INVS: variants seen among roughly 807,000 people sequenced by gnomAD.
INVS encodes the protein inversin, also known as inversion of embryo turning homolog.
Under a neutral mutation model 108.8 loss-of-function variants are expected in INVS, and 86 were observed. That is an observed-to-expected ratio of 0.79 (90% confidence interval 0.66 to 0.95). INVS has a LOEUF of 0.95. INVS is among the 40% of genes least tolerant of loss of function. The pLI is 0.00. For missense variants in INVS, 1,169 were observed against 1,297.4 expected (o/e 0.90, Z 1.52); for synonymous variants, 455 against 473.5 (o/e 0.96, Z 0.51).
intron 14 of INVS, among the ~76,000 whole-genome samples, chr9:100,293,940 A>C (rs1365420130): frequency 6.6e-6 from 1 of 152,112 alleles, no homozygotes; most frequent in Non-Finnish European, 1.5e-5. Context: ...AGGAGGGAGG[A>C]TCACTTGAAC....
intron 3 of INVS, among the ~76,000 whole-genome samples, chr9:100,134,180 A>C (rs1185274550): frequency 1.3e-5 from 2 of 152,098 alleles, no homozygotes; most frequent in Non-Finnish European, 2.9e-5. Context: ...TATCAGTGAG[A>C]ACATATGATG....
At chr9:100,270,748 C>CAAA (rs746291227) in intron 11 of INVS, among the ~76,000 whole-genome samples, 637 of 47,076 alleles carry the variant, frequency 0.014, 17 homozygotes, top group African/African-American at 0.047. Context: ...AACTCCATCT[C>CAAA]AAAAAAAAAA....
chr9:100,163,003 A>G (rs73656951), intron 3 of INVS, among the ~76,000 whole-genome samples: 2,071 of 152,196 alleles, frequency 0.014, 35 homozygotes, highest in African/African-American at 0.048. Context: ...TCTGTTGGAC[A>G]CTTACAGAGC....
intron 5 of INVS, among the ~76,000 whole-genome samples, chr9:100,233,591 T>A (rs970453419): frequency 6.6e-6 from 1 of 152,198 alleles, no homozygotes; most frequent in Non-Finnish European, 1.5e-5. Context: ...CGGTGTTGAA[T>A]GTTATCAAAG....
intron 2 of INVS, among the ~76,000 whole-genome samples, chr9:100,123,395 A>G (rs1827785533): frequency 6.6e-6 from 1 of 152,176 alleles, no homozygotes; most frequent in Non-Finnish European, 1.5e-5. Flanking sequence ...GCTTAGCATA[A>G]TGTTTTCAAG....
At chr9:100,288,781 T>G (rs1338164493) in intron 13 of INVS, among the ~76,000 whole-genome samples, 1 of 152,076 alleles carries the variant, frequency 6.6e-6, no homozygotes, top group Non-Finnish European at 1.5e-5. Flanking sequence ...CTACCATGCC[T>G]GGCTAATTTT....
chr9:100,144,430 CT>C (rs1368177458), intron 3 of INVS, among the ~76,000 whole-genome samples: 1 of 152,018 alleles, frequency 6.6e-6, no homozygotes, highest in East Asian at 1.9e-4. Context: ...GCCTTTTGAC[CT>C]TTTAGGGTCT....
At chr9:100,285,472 C>A (rs1238486831) in intron 13 of INVS, among the ~76,000 whole-genome samples, 1 of 152,200 alleles carries the variant, frequency 6.6e-6, no homozygotes, top group Non-Finnish European at 1.5e-5. Context: ...TGATCCCCAT[C>A]CCCAAGACTA....
intron 3 of INVS, among the ~76,000 whole-genome samples, chr9:100,185,257 G>A (rs1377644883): frequency 6.6e-6 from 1 of 151,586 alleles, no homozygotes. Context: ...ATACAAGAAT[G>A]TACAGAAAAA....
intron 2 of INVS, chr9:100,117,510 G>T: frequency 1.2e-6 from 1 of 856,754 alleles, no homozygotes; most frequent in Admixed American, 1.8e-5. Flanking sequence ...CCCGGGCCCC[G>T]TCCACGGCCG....
At chr9:100,218,307 T>C (rs2118352781) in intron 3 of INVS, among the ~76,000 whole-genome samples, 1 of 152,254 alleles carries the variant, frequency 6.6e-6, no homozygotes, top group East Asian at 1.9e-4. Context: ...AGAAATTAAT[T>C]GGAAAACATG....
intron 14 of INVS, among the ~76,000 whole-genome samples, chr9:100,294,584 G>A (rs1446304871): frequency 6.6e-6 from 1 of 152,204 alleles, no homozygotes; most frequent in Non-Finnish European, 1.5e-5. Flanking sequence ...AGGAAAAACT[G>A]ACTTGTCCTT....
intron 1 of INVS, among the ~76,000 whole-genome samples, chr9:100,100,806 T>TATATA (rs1826879254): frequency 8.0e-5 from 2 of 25,060 alleles, no homozygotes; most frequent in Non-Finnish European, 1.2e-4. Context: ...AATATATGTA[T>TATATA]ATATAATATA....
intron 3 of INVS, among the ~76,000 whole-genome samples, chr9:100,204,768 T>A (rs899919543): frequency 6.6e-6 from 1 of 152,128 alleles, no homozygotes; most frequent in African/African-American, 2.4e-5. Flanking sequence ...GTTTCTTTTT[T>A]ATATAAAATA....
chr9:100,104,548 T>G lies in INVS; in HGVS notation c.27T>G (p.Phe9Leu), dbSNP rs777589570. MNKSENLL[F>L]AGSSLASQVH... ...TGAACAAGTCAGAGAACCTGCTGTT[T>G]GCTGGTTCATCATTAGCATCACAAG... Residue 9 changes from phenylalanine (F) to leucine (L), a missense_variant, in exon 2 of 17, where the codon TTT becomes TTG. Coordinates refer to ENST00000262457, the MANE Select transcript of INVS (RefSeq NM_014425.5). The G allele has an allele frequency of 6.2e-7, 1 of 1,613,930 alleles. No individual in the cohort carries two copies.
At chr9:100,242,492 A>G (rs1588115661) in intron 6 of INVS, 78 bp from the exon 7 acceptor site, 1 of 871,284 alleles carries the variant, frequency 1.1e-6, no homozygotes, top group Non-Finnish European at 1.9e-6. Flanking sequence ...GATTTTTCTT[A>G]TCTTTTTCAT....
At chr9:100,217,989 A>G (rs1831039929) in intron 3 of INVS, among the ~76,000 whole-genome samples, 1 of 152,164 alleles carries the variant, frequency 6.6e-6, no homozygotes, top group Non-Finnish European at 1.5e-5. Flanking sequence ...GAGTTTATAA[A>G]TACATAATTA....
Position 100,229,768 on chromosome 9 carries a change from C to T in INVS, c.556C>T (p.Leu186Phe). ...GIPDVEGKIP[L>F]HWAANHKDPS... is the part of the protein sequence containing the mutation. The stretch of plus-strand genomic sequence containing the variant: ...TCCTGATGTTGAAGGCAAGATCCCA[C>T]TTCACTGGGCAGCCAACCATAAAGA... Residue 186 changes from leucine (L) to phenylalanine (F), a missense_variant, in exon 5 of 17, where the codon CTT (leucine) becomes TTT (phenylalanine). Coordinates refer to ENST00000262457, the MANE Select transcript of INVS (RefSeq NM_014425.5). The T allele has an allele frequency of 6.2e-7, 1 of 1,614,164 alleles. No homozygotes were observed. Among genetic ancestry groups the T allele is most frequent in the Non-Finnish European group, 8.5e-7 (1 of 1,180,014 alleles).
intron 2 of INVS, among the ~76,000 whole-genome samples, chr9:100,113,804 G>A (rs1007759333): frequency 6.6e-6 from 1 of 152,118 alleles, no homozygotes; most frequent in African/African-American, 2.4e-5. Flanking sequence ...ACCCTACTGT[G>A]CAATAGAACA....
Sources: allele counts gnomAD v4.1 joint callset (sites outside exome capture counted in the v4.1 genomes callset), GRCh38; gene constraint gnomAD v4.1.1; transcripts MANE v1.5; gene names NCBI Gene and HGNC (gene_info 2026-07-23, HGNC 2026-07-21).